PTBP3: variants seen among roughly 807,000 people sequenced by gnomAD.
PTBP3 encodes polypyrimidine tract-binding protein 3.
Under a neutral mutation model 58.7 loss-of-function variants are expected in PTBP3, and 20 were observed. The observed-to-expected ratio is 0.34, with a 90% CI of 0.24 to 0.50. PTBP3 has a LOEUF of 0.50. Among genes scored for constraint, PTBP3 ranks in the 20% least tolerant of loss-of-function variants. PTBP3 has a pLI of 0.98. For missense variants in PTBP3, 509 were observed against 637.2 expected (o/e 0.80, Z 2.17); for synonymous variants, 185 against 219.8 (o/e 0.84, Z 1.40).
intron 1 of PTBP3, among the ~76,000 whole-genome samples, chr9:112,306,171 A>T (rs1829196389): frequency 6.6e-6 from 1 of 152,014 alleles, no homozygotes; most frequent in Admixed American, 6.6e-5. Context: ...ATATTTTTTA[A>T]ACTTTTTTTT....
At chr9:112,288,716 G>A (rs1434947227) in intron 2 of PTBP3, among the ~76,000 whole-genome samples, 2 of 152,280 alleles carry the variant, frequency 1.3e-5, no homozygotes, top group East Asian at 3.9e-4. Flanking sequence ...ATCACAAAAT[G>A]TATATGGATT....
intron 1 of PTBP3, chr9:112,332,829 G>C (rs1468044809): frequency 1.4e-5 from 23 of 1,612,214 alleles, no homozygotes; most frequent in Non-Finnish European, 1.9e-5. Flanking sequence ...AGAAAGGTGA[G>C]GGGGAAGCGT....
chr9:112,365,344 G>A, the PTBP3 span, among the ~76,000 whole-genome samples: 1 of 152,254 alleles, frequency 6.6e-6, no homozygotes, highest in South Asian at 2.1e-4. Context: ...ATTGAATCAT[G>A]GGGGTGGGTC....
intron 10 of PTBP3, 151 bp downstream of exon 10, chr9:112,231,229 T>A (rs1835186007): frequency 7.7e-6 from 4 of 519,918 alleles, no homozygotes; most frequent in Non-Finnish European, 3.1e-6. Flanking sequence ...AAATCATCAC[T>A]GTAATTACTT....
chr9:112,350,464 T>A, the PTBP3 span, among the ~76,000 whole-genome samples: 1 of 152,212 alleles, frequency 6.6e-6, no homozygotes, highest in Non-Finnish European at 1.5e-5. Flanking sequence ...AGTACCCAAT[T>A]TTTGCTATTA....
At chr9:112,257,073 T>C (rs1836398744) in intron 5 of PTBP3, among the ~76,000 whole-genome samples, 1 of 152,216 alleles carries the variant, frequency 6.6e-6, no homozygotes, top group Non-Finnish European at 1.5e-5. Flanking sequence ...TTACATTCCT[T>C]TTCTCATTTA....
intron 7 of PTBP3, among the ~76,000 whole-genome samples, chr9:112,236,104 C>T (rs967137697): frequency 4.0e-5 from 6 of 151,814 alleles, no homozygotes; most frequent in African/African-American, 1.5e-4. Flanking sequence ...CTCTATTTTC[C>T]AGGAGTTAAA....
the PTBP3 span, among the ~76,000 whole-genome samples, chr9:112,363,516 TCACACACACA>T: frequency 3.9e-4 from 53 of 134,864 alleles, no homozygotes; most frequent in East Asian, 1.3e-3. Flanking sequence ...AGCAAAACTG[TCACACACACA>T]CACACACACA....
intron 2 of PTBP3, among the ~76,000 whole-genome samples, chr9:112,286,926 T>G (rs1828144578): frequency 6.6e-6 from 1 of 152,144 alleles, no homozygotes; most frequent in African/African-American, 2.4e-5. Context: ...CTAATGATGC[T>G]TCATTGTCTT....
At chr9:112,304,103 G>A (rs1456224613) in intron 1 of PTBP3, among the ~76,000 whole-genome samples, 1 of 151,976 alleles carries the variant, frequency 6.6e-6, no homozygotes, top group East Asian at 1.9e-4. Context: ...GGAGGCAGAG[G>A]TTGCAGTGAG....
the PTBP3 span, among the ~76,000 whole-genome samples, chr9:112,344,994 G>A: frequency 6.6e-6 from 1 of 152,028 alleles, no homozygotes; most frequent in Non-Finnish European, 1.5e-5. Flanking sequence ...TTAGCCGGGT[G>A]TGGTGTCACA....
the PTBP3 span, among the ~76,000 whole-genome samples, chr9:112,365,104 A>G: frequency 6.6e-6 from 1 of 152,220 alleles, no homozygotes; most frequent in African/African-American, 2.4e-5. Context: ...GTTATCACAA[A>G]TGACAGGATT....
chr9:112,252,520 A>G (rs1244559998), intron 6 of PTBP3, 158 bp downstream of exon 6: 1 of 471,006 alleles, frequency 2.1e-6, no homozygotes, highest in East Asian at 3.4e-5. Flanking sequence ...TTTAGCTTAG[A>G]AAAAAAAAAC....
chr9:112,263,956 G>C (rs1836698531), intron 4 of PTBP3, among the ~76,000 whole-genome samples: 1 of 151,886 alleles, frequency 6.6e-6, no homozygotes, highest in Non-Finnish European at 1.5e-5. Context: ...TTATTACTTT[G>C]GGGCCACAGA....
intron 1 of PTBP3, chr9:112,333,090 C>G: frequency 7.8e-7 from 1 of 1,277,276 alleles, no homozygotes; most frequent in Non-Finnish European, 9.9e-7. Flanking sequence ...CCGCCTCCCC[C>G]AGCGCCGCGC....
At chr9:112,311,576 C>T (rs1829475058) in intron 1 of PTBP3, among the ~76,000 whole-genome samples, 1 of 152,110 alleles carries the variant, frequency 6.6e-6, no homozygotes, top group African/African-American at 2.4e-5. Flanking sequence ...CAGACTTCAC[C>T]TATACAGAGC....
chr9:112,282,562 G>A (rs542813725), intron 2 of PTBP3, among the ~76,000 whole-genome samples: 25 of 151,938 alleles, frequency 1.6e-4, no homozygotes, highest in South Asian at 6.2e-4. Flanking sequence ...ATTAAGTTAC[G>A]GTTTCATTTT....
chr9:112,339,457 T>G, the PTBP3 span, among the ~76,000 whole-genome samples: 3 of 152,140 alleles, frequency 2.0e-5, no homozygotes, highest in Non-Finnish European at 4.4e-5. Context: ...GATGAATTTC[T>G]TAACCTAGAA....
intron 3 of PTBP3, among the ~76,000 whole-genome samples, chr9:112,273,254 T>C (rs1827465185): frequency 6.6e-6 from 1 of 152,262 alleles, no homozygotes; most frequent in East Asian, 1.9e-4. Flanking sequence ...AAGTCATTTA[T>C]ACTATTTAAA....
Sources: gnomAD v4.1 joint callset for allele counts (sites outside exome capture counted in the v4.1 genomes callset) on GRCh38, gnomAD v4.1.1 for gene constraint, MANE v1.5 for transcripts, NCBI Gene and HGNC (gene_info 2026-07-23, HGNC 2026-07-21) for gene names.